Variants in FAM107A observed in about 807,000 individuals in gnomAD.
FAM107A encodes the protein actin-associated protein FAM107A.
FAM107A carries 19 observed loss-of-function variants against 13.7 expected under a neutral mutation model. The observed-to-expected ratio is 1.38, with a 90% CI of 0.97 to 2.03. The LOEUF (loss-of-function observed/expected upper bound fraction) is 2.03, where lower values mean the gene tolerates loss of function less well. FAM107A is among the 30% of genes most tolerant of loss of function. The pLI is 0.00. For synonymous variants in FAM107A, 82 were observed against 74.5 expected, an observed-to-expected ratio of 1.10 and a Z score of -0.52; for missense variants, 203 against 184.4, an observed-to-expected ratio of 1.10 and a Z score of -0.58.
chr3:58,611,962 G>GT (rs2065858890), intron 1 of FAM107A, among the ~76,000 whole-genome samples: 1 of 151,768 alleles, frequency 6.6e-6, no homozygotes, highest in Admixed American at 6.6e-5. Context: ...GCAGATTGTG[G>GT]TTTTTTTTCT....
chr3:58,573,835 C>T lies in FAM107A; in HGVS notation c.-6+3474G>A, dbSNP rs74511364. On this transcript the variant is annotated intron_variant, in intron 1 of 3. Coordinates refer to ENST00000360997, the MANE Select transcript of FAM107A (RefSeq NM_001076778.3). ...CAAATCCCACAGCCCTGGGACACAC[C>T]ACGCCCACTTATTGTCTATGGCTGT... Among the ~76,000 whole-genome samples, 4 of 152,304 alleles carry T rather than the reference C, an allele frequency of 2.6e-5. No homozygotes were observed. In the East Asian group the frequency reaches 7.7e-4, roughly 29 times the overall value.
chr3:58,612,244 A>G (rs1334771228), intron 1 of FAM107A, among the ~76,000 whole-genome samples: 4 of 152,196 alleles, frequency 2.6e-5, no homozygotes, highest in Non-Finnish European at 5.9e-5. Context: ...TGGTCAAAAA[A>G]ACTGTGGCAT....
At chr3:58,618,609 G>T (rs972563935) in intron 1 of FAM107A, among the ~76,000 whole-genome samples, 1 of 152,266 alleles carries the variant, frequency 6.6e-6, no homozygotes, top group African/African-American at 2.4e-5. Context: ...TAAGATTAAA[G>T]TGGATTTAAA....
At chr3:58,606,814 AC>A (rs1312186822) in intron 1 of FAM107A, among the ~76,000 whole-genome samples, 1 of 152,018 alleles carries the variant, frequency 6.6e-6, no homozygotes, top group African/African-American at 2.4e-5. Context: ...CAACAGACCA[AC>A]CCCCACCCCC....
rs1487211574 is a variant in FAM107A, at chr3:58,577,001, G to A, written c.-6+308C>T. Among the ~76,000 whole-genome samples the A allele has an allele frequency of 1.3e-5, 2 of 152,214 alleles. No individual in the cohort carries two copies. The highest frequency in any genetic ancestry group is 2.1e-4 in the South Asian group (1 of 4,826). The stretch of plus-strand genomic sequence containing the variant: ...CCATACTGTGTGATAATTGACTTAG[G>A]TGAGGCTATATCATGCATTAATTCA... On this transcript the variant is annotated intron_variant, in intron 1 of 3. Transcript: ENST00000360997. The surrounding 1 kb of genome is among the most constrained non-coding windows in gnomAD (Gnocchi z 4.9).
chr3:58,585,975 C>G (rs1238336528), intron 1 of FAM107A, among the ~76,000 whole-genome samples: 3 of 152,196 alleles, frequency 2.0e-5, no homozygotes, highest in Non-Finnish European at 4.4e-5. Flanking sequence ...GAAAAAGCAC[C>G]TATCATCCAA....
chr3:58,581,966 T>C (rs2065551056), upstream of FAM107A, among the ~76,000 whole-genome samples: 2 of 152,270 alleles, frequency 1.3e-5, no homozygotes, highest in African/African-American at 4.8e-5. Flanking sequence ...AGTGAATCTA[T>C]GGATGGTGAG....
At chr3:58,603,321 G>A (rs1292693753) in intron 1 of FAM107A, among the ~76,000 whole-genome samples, 1 of 152,174 alleles carries the variant, frequency 6.6e-6, no homozygotes, top group African/African-American at 2.4e-5. Context: ...CCTACTATGT[G>A]CCAGGCATTG....
intron 1 of FAM107A, chr3:58,609,218 G>A (rs918177455): frequency 1.3e-5 from 2 of 152,132 alleles, no homozygotes; most frequent in Non-Finnish European, 2.9e-5. Context: ...GTGTGGTCTT[G>A]GGCAAATGGC....
At chr3:58,602,896 A>G (rs1026964713) in intron 1 of FAM107A, among the ~76,000 whole-genome samples, 1 of 152,172 alleles carries the variant, frequency 6.6e-6, no homozygotes, top group African/African-American at 2.4e-5. Flanking sequence ...GTGGGTGTAG[A>G]TATGTGTATA....
intron 1 of FAM107A, among the ~76,000 whole-genome samples, chr3:58,624,988 G>T (rs926489905): frequency 3.4e-5 from 5 of 148,690 alleles, no homozygotes; most frequent in African/African-American, 1.2e-4. Context: ...TCTGTGGGAG[G>T]TTGGGGTGGG....
chr3:58,604,543 C>CA lies in FAM107A; in HGVS notation c.-69-15275dup. On this transcript the variant is annotated intron_variant, in intron 1 of 3. Transcript: ENST00000465970. This position sits in a 1 kb window ranked among gnomAD's most constrained non-coding sequence, Gnocchi z 4.1. ...TCATAACTTGTTTCTCTCATTGTTG[C>CA]ACGTGACAGCCTCACCCACTCCCTG... Among the ~76,000 whole-genome samples, 1 of 152,296 alleles carries CA rather than the reference C, an allele frequency of 6.6e-6. No homozygotes were observed. Among genetic ancestry groups the CA allele is most frequent in the Non-Finnish European group, 1.5e-5 (1 of 68,024 alleles).
At chr3:58,598,483 C>G (rs1282106413) in intron 1 of FAM107A, among the ~76,000 whole-genome samples, 1 of 152,214 alleles carries the variant, frequency 6.6e-6, no homozygotes, top group African/African-American at 2.4e-5. Context: ...AGCTGAGGCC[C>G]TGGGTGGGAG....
chr3:58,625,909 TTGTC>T (rs1406488620), intron 1 of FAM107A, among the ~76,000 whole-genome samples: 1 of 152,234 alleles, frequency 6.6e-6, no homozygotes, highest in Non-Finnish European at 1.5e-5. Flanking sequence ...TCATCACTGG[TTGTC>T]TGAGGATCAG....
At chr3:58,589,295 AG>A, upstream of FAM107A, 1 of 1,467,002 alleles carries the variant, frequency 6.8e-7, no homozygotes, top group Non-Finnish European at 9.2e-7. Flanking sequence ...AAGTAGGTGG[AG>A]TTGAGGACCC....
intron 1 of FAM107A, among the ~76,000 whole-genome samples, chr3:58,594,834 A>G (rs1386841603): frequency 2.0e-5 from 3 of 152,194 alleles, no homozygotes; most frequent in Non-Finnish European, 2.9e-5. Context: ...AACACAAAAA[A>G]ACTCAAGGAT....
In FAM107A at chr3:58,566,352, G is replaced by C; in HGVS notation, c.*236C>G. On this transcript the variant is annotated 3_prime_UTR_variant, in exon 4 of 4. Coordinates refer to ENST00000360997, the MANE Select transcript of FAM107A (RefSeq NM_001076778.3). ...GGCTCTGAACCCCTTGCAGGGAGGGGTGCAGGTTATCCCTCTTGGAGCAGG... is the reference window on the plus strand; with the variant it reads ...GGCTCTGAACCCCTTGCAGGGAGGGCTGCAGGTTATCCCTCTTGGAGCAGG... The C allele has an allele frequency of 3.9e-6, 2 of 510,014 alleles. No homozygotes were observed. Among genetic ancestry groups the C allele is most frequent in the Non-Finnish European group, 6.9e-6 (2 of 289,322 alleles). 31.6% of individuals were successfully genotyped at this position (510,014 alleles called of 1,614,324 possible).
At chr3:58,582,156 C>T (rs949083423), upstream of FAM107A, among the ~76,000 whole-genome samples, 18 of 152,202 alleles carry the variant, frequency 1.2e-4, no homozygotes, top group African/African-American at 3.9e-4. Flanking sequence ...TGTCACACAT[C>T]GAAGTTAAAT....
At chr3:58,566,730 G>C in intron 3 of FAM107A, 35 bp from the exon 4 acceptor site, 1 of 1,513,914 alleles carries the variant, frequency 6.6e-7, no homozygotes, top group Non-Finnish European at 9.2e-7. Flanking sequence ...GAAGTGGGTG[G>C]AGCTAGGGGG....
Sources: gnomAD v4.1 joint callset for allele counts (sites outside exome capture counted in the v4.1 genomes callset) on GRCh38, gnomAD v4.1.1 for gene constraint, Gnocchi (gnomAD v3.1) non-coding constraint, MANE v1.5 for transcripts, NCBI Gene and HGNC (gene_info 2026-07-23, HGNC 2026-07-21) for gene names.